Variants in NLRP4 observed in about 807,000 individuals in gnomAD.
The protein encoded by NLRP4 is NACHT, LRR and PYD domains-containing protein 4.
Under a neutral mutation model 84.7 loss-of-function variants are expected in NLRP4, and 44 were observed. The observed-to-expected ratio is 0.52, with a 90% CI of 0.41 to 0.67. The LOEUF (loss-of-function observed/expected upper bound fraction) is 0.67. Among genes scored for constraint, NLRP4 ranks in the 30% least tolerant of loss-of-function variants. NLRP4 has a pLI of 0.00. For synonymous variants in NLRP4, 544 were observed against 476.4 expected (o/e 1.14, Z -1.85); for missense variants, 1,260 against 1,219.4 (o/e 1.03, Z -0.50).
intron 1 of NLRP4, among the ~76,000 whole-genome samples, chr19:55,843,328 G>C (rs1983682074): frequency 6.6e-6 from 1 of 152,054 alleles, no homozygotes; most frequent in Admixed American, 6.6e-5. Flanking sequence ...ACATGGGTTT[G>C]TTATTTATAC....
In NLRP4 at chr19:55,862,077, A is replaced by T. The variant is rs1984780676; in HGVS notation, c.2104A>T (p.Thr702Ser). Residue 702 changes from threonine (T) to serine (S), a missense_variant, in exon 5 of 10, where the codon ACC becomes TCC. Physicochemically the swap from Thr to Ser is moderately conservative, Grantham distance 58 (BLOSUM62 1). This residue lies in a region of NLRP4 where 544 missense variants were observed against 531.7 expected (regional missense o/e 1.02). Coordinates refer to ENST00000301295, the MANE Select transcript of NLRP4 (RefSeq NM_134444.5). Reference sequence around the variant, plus strand: ...GCCAGACTTGAAATACCTGAGCTTCACCCTCACGAAACTCTCTCGTGATGA... The same window carrying T: ...GCCAGACTTGAAATACCTGAGCTTCTCCCTCACGAAACTCTCTCGTGATGA... ...YQPDLKYLSFTLTKLSRDDIR... is the reference protein window; with the variant it reads ...YQPDLKYLSFSLTKLSRDDIR... 1.2e-6 allele frequency: 2 copies of T among 1,612,218 alleles called. No homozygotes were observed. Among genetic ancestry groups the T allele is most frequent in the African/African-American group, 2.7e-5 (2 of 74,856 alleles).
chr19:55,853,569 G>A (rs560029787), intron 2 of NLRP4, among the ~76,000 whole-genome samples: 2 of 151,458 alleles, frequency 1.3e-5, no homozygotes, highest in Admixed American at 1.3e-4. Flanking sequence ...TGCACACCTG[G>A]CTAACCTTTT....
In NLRP4 at chr19:55,841,426, C is replaced by T. The variant is rs1983609565; in HGVS notation, c.-66+4492C>T. Among the ~76,000 whole-genome samples the T allele has an allele frequency of 2.6e-5, 4 of 152,112 alleles. No homozygotes were observed. The South Asian group carries it at 8.3e-4, about 32-fold the overall frequency. ...GCCTTATTTTACCTCGTGTCCTCCACGTTCATCCAGGTTGCCACAAATGGC... is the reference window on the plus strand; with the variant it reads ...GCCTTATTTTACCTCGTGTCCTCCATGTTCATCCAGGTTGCCACAAATGGC... On this transcript the variant is annotated intron_variant, in intron 1 of 9. Coordinates refer to ENST00000301295, the MANE Select transcript of NLRP4 (RefSeq NM_134444.5).
In NLRP4 at chr19:55,846,214, G is replaced by A. The variant is rs189393981; in HGVS notation, c.-65-5802G>A. ...AATTTTTGTATAAGGTATAAGGAAG[G>A]GATCCAGTTTCAGCTTTCTACTTAC... On this transcript the variant is annotated intron_variant, in intron 1 of 9. Transcript: ENST00000301295. Among the ~76,000 whole-genome samples, 639 of 152,254 alleles carry A rather than the reference G, an allele frequency of 4.2e-3. 3 individuals are homozygous for A. The highest frequency in any genetic ancestry group is 6.9e-3 in the Admixed American group (105 of 15,280).
At chr19:55,851,392 A>T (rs113718841) in intron 1 of NLRP4, among the ~76,000 whole-genome samples, 658 of 40,356 alleles carry the variant, frequency 0.016, 4 homozygotes, top group African/African-American at 0.051. Flanking sequence ...GTAATGTCCG[A>T]GGCTGCGGTG....
At chr19:55,861,286 G>A (rs538467924) in intron 3 of NLRP4, 100 bp from the exon 4 acceptor site, 1 of 997,222 alleles carries the variant, frequency 1.0e-6, no homozygotes, top group African/African-American at 1.6e-5. Context: ...CTCTGCCTCA[G>A]ACATCTTCTG....
At chr19:55,870,247 C>G (rs572509041) in intron 6 of NLRP4, among the ~76,000 whole-genome samples, 1 of 150,528 alleles carries the variant, frequency 6.6e-6, no homozygotes, top group Admixed American at 6.6e-5. Flanking sequence ...AGGACATCAT[C>G]AGATGAAGAA....
chr19:55,845,073 C>T lies in NLRP4; in HGVS notation c.-65-6943C>T, dbSNP rs750266329. 5.3e-5 allele frequency among the ~76,000 whole-genome samples: 8 copies of T among 151,660 alleles called. No individual in the cohort carries two copies. In the East Asian group the frequency reaches 5.8e-4, roughly 11 times the overall value. On this transcript the variant is annotated intron_variant, in intron 1 of 9. Transcript: ENST00000301295. ...TAAGTTTTAGGGTACATGTGCACAACGTGCAGGTTTGTTACATATGTATAC... is the reference window on the plus strand; with the variant it reads ...TAAGTTTTAGGGTACATGTGCACAATGTGCAGGTTTGTTACATATGTATAC...
At chr19:55,880,147 T>G (rs1390268052) in intron 9 of NLRP4, among the ~76,000 whole-genome samples, 1 of 148,906 alleles carries the variant, frequency 6.7e-6, no homozygotes, top group Non-Finnish European at 1.5e-5. Context: ...CTGTTATAAC[T>G]CTAACGCTAA....
chr19:55,846,379 A>G (rs1390143399), intron 1 of NLRP4, among the ~76,000 whole-genome samples: 1 of 152,048 alleles, frequency 6.6e-6, no homozygotes, highest in African/African-American at 2.4e-5. Flanking sequence ...CCATTAGTCT[A>G]TATCTCTGTT....
At chr19:55,860,276 T>A (rs147178946) in intron 3 of NLRP4, among the ~76,000 whole-genome samples, 1 of 152,118 alleles carries the variant, frequency 6.6e-6, no homozygotes, top group East Asian at 1.9e-4. Flanking sequence ...TGAGCCACCG[T>A]GCCCGGCCAA....
chr19:55,856,419 G>A (rs1984415361), intron 2 of NLRP4, among the ~76,000 whole-genome samples: 1 of 151,870 alleles, frequency 6.6e-6, no homozygotes, highest in East Asian at 1.9e-4. Context: ...TGTCATGAGA[G>A]TGAGGGCCAA....
At chr19:55,876,912 GGCTGTCGT>G in intron 7 of NLRP4, 76 bp from the exon 8 acceptor site, 1 of 1,124,366 alleles carries the variant, frequency 8.9e-7, no homozygotes, top group Non-Finnish European at 1.3e-6. Flanking sequence ...GAATGACAAA[GGCTGTCGT>G]GCTTTGGTGT....
At position 55,858,672 on chromosome 19, in the gene NLRP4, G is replaced by C. The variant is rs111284755; in HGVS notation, c.1279G>C (p.Ala427Pro). The stretch of plus-strand genomic sequence containing the variant: ...CCTCCGGAGAAATGGGGTTGTTGAC[G>C]CTGACATCCCTGCGCTGCTGGGCAC... Reference protein sequence around the residue: ...DDLRRNGVVDADIPALLGTKI... With the variant: ...DDLRRNGVVDPDIPALLGTKI... Residue 427 changes from alanine (A) to proline (P), a missense_variant, in exon 3 of 10, where the codon GCT becomes CCT. Ala to Pro is a conservative substitution (Grantham distance 27). Transcript: ENST00000301295. The surrounding 1 kb of genome is among the most constrained non-coding windows in gnomAD (Gnocchi z 4.2). 1 of 1,614,026 alleles carries C rather than the reference G, an allele frequency of 6.2e-7. No homozygotes were observed. Among genetic ancestry groups the C allele is most frequent in the Admixed American group, 1.7e-5 (1 of 59,994 alleles).
chr19:55,851,699 C>T (rs1293954674), intron 1 of NLRP4, among the ~76,000 whole-genome samples: 4 of 108,844 alleles, frequency 3.7e-5, no homozygotes, highest in African/African-American at 1.1e-4. Context: ...TCCGAGGCTG[C>T]GGTGTAATGT....
In NLRP4 at chr19:55,851,713, A is replaced by AGGCTGCGGTGTAATGTCCGT. The variant is rs1984164322; in HGVS notation, c.-65-289_-65-288insGTCCGTGGCTGCGGTGTAAT. Among the ~76,000 whole-genome samples the AGGCTGCGGTGTAATGTCCGT allele has an allele frequency of 3.2e-5, 3 of 93,154 alleles. 1 individual carries two copies. Among genetic ancestry groups the AGGCTGCGGTGTAATGTCCGT allele is most frequent in the African/African-American group, 2.0e-4 (3 of 15,080 alleles). The allele number at this position is 93,154 out of a possible 152,430, so 61.1% of individuals were successfully genotyped here. A position where few individuals can be genotyped will look rare whatever the true frequency, so the allele number is the denominator to read the frequency against. On this transcript the variant is annotated intron_variant, in intron 1 of 9. Coordinates refer to ENST00000301295, the MANE Select transcript of NLRP4 (RefSeq NM_134444.5). Reference sequence around the variant, plus strand: ...GTCCGAGGCTGCGGTGTAATGTCCGAGGCTGCGGTGTAATTTCCGAAGCTG... The same window carrying AGGCTGCGGTGTAATGTCCGT: ...GTCCGAGGCTGCGGTGTAATGTCCGAGGCTGCGGTGTAATGTCCGTGGCTGCGGTGTAATTTCCGAAGCTG...
chr19:55,870,527 G>C (rs1283540891), intron 6 of NLRP4, among the ~76,000 whole-genome samples: 1 of 152,170 alleles, frequency 6.6e-6, no homozygotes, highest in Non-Finnish European at 1.5e-5. Flanking sequence ...GCGAGATGTG[G>C]TTGTGGGTGC....
At chr19:55,855,081 C>T (rs1296183215) in intron 2 of NLRP4, among the ~76,000 whole-genome samples, 1 of 152,084 alleles carries the variant, frequency 6.6e-6, no homozygotes, top group Non-Finnish European at 1.5e-5. Flanking sequence ...TTTGGTGTCA[C>T]ACGCTGAGGT....
chr19:55,849,853 ACTGCGGTGTAATTTCCGTGG>A (rs1983956711), intron 1 of NLRP4, among the ~76,000 whole-genome samples: 2 of 71,412 alleles, frequency 2.8e-5, no homozygotes, highest in African/African-American at 9.7e-5. Context: ...AATTTCCGAG[ACTGCGGTGTAATTTCCGTGG>A]CCGCGGTGTA....
Sources: gnomAD v4.1 joint callset for allele counts (sites outside exome capture counted in the v4.1 genomes callset) on GRCh38, gnomAD v4.1.1 for gene constraint, gnomAD v4.1.1 regional missense constraint, Gnocchi (gnomAD v3.1) non-coding constraint, MANE v1.5 for transcripts, NCBI Gene and HGNC (gene_info 2026-07-23, HGNC 2026-07-21) for gene names.